Variants in ASIC2 observed in about 807,000 individuals in gnomAD.
The protein encoded by ASIC2 is acid-sensing ion channel 2.
Under a neutral mutation model 57.3 loss-of-function variants are expected in ASIC2, and 25 were observed. The observed-to-expected ratio is 0.44, with a 90% CI of 0.32 to 0.61. The LOEUF (loss-of-function observed/expected upper bound fraction) is 0.61, where lower values mean the gene tolerates loss of function less well. Among genes scored for constraint, ASIC2 ranks in the 20% least tolerant of loss-of-function variants. ASIC2 has a pLI of 0.06. For missense variants in ASIC2, 641 were observed against 738.1 expected (o/e 0.87, Z 1.52); for synonymous variants, 319 against 307.5 (o/e 1.04, Z -0.39).
intron 1 of ASIC2, among the ~76,000 whole-genome samples, chr17:33,642,398 G>C (rs999394647): frequency 1.3e-5 from 2 of 152,202 alleles, no homozygotes; most frequent in African/African-American, 4.8e-5. Flanking sequence ...TACCAGGCTA[G>C]GCAGCTCTGG....
chr17:33,174,688 G>T (rs1905671501), intron 1 of ASIC2, among the ~76,000 whole-genome samples: 2 of 152,260 alleles, frequency 1.3e-5, no homozygotes, highest in African/African-American at 4.8e-5. Context: ...TCTGCCCAAT[G>T]AAAGGAAGAG....
At chr17:33,290,499 T>C (rs1418798936) in intron 1 of ASIC2, among the ~76,000 whole-genome samples, 1 of 152,258 alleles carries the variant, frequency 6.6e-6, no homozygotes, top group Non-Finnish European at 1.5e-5. Flanking sequence ...ACAAGGCAGA[T>C]ACCTTCTGTC....
In ASIC2 at chr17:33,331,882, G is replaced by A. The variant is rs115455273; in HGVS notation, c.556-219815C>T. On this transcript the variant is annotated intron_variant, in intron 1 of 9. Coordinates refer to the ASIC2 transcript ENST00000359872. ...GCCAGGGTCCAAACTAGGCAACTGC[G>A]AATAGGACAAAACTTTCTTAACATT... Among the ~76,000 whole-genome samples, 1,092 of 152,342 alleles carry A rather than the reference G, an allele frequency of 7.2e-3. 12 individuals carry two copies. The highest frequency in any genetic ancestry group is 0.024 in the African/African-American group (1,002 of 41,578).
intron 1 of ASIC2, among the ~76,000 whole-genome samples, chr17:33,479,754 G>A (rs557555064): frequency 1.4e-4 from 21 of 152,244 alleles, no homozygotes; most frequent in Admixed American, 7.2e-4. Context: ...CCAGGCCTTC[G>A]CAAGGAGACA....
intron 1 of ASIC2, among the ~76,000 whole-genome samples, chr17:33,800,822 T>A (rs190755500): frequency 6.6e-6 from 1 of 152,318 alleles, no homozygotes; most frequent in African/African-American, 2.4e-5. Flanking sequence ...GCTATCAACT[T>A]TTCAAGGTGG....
At chr17:33,815,472 C>T (rs1315224759) in intron 1 of ASIC2, among the ~76,000 whole-genome samples, 1 of 152,208 alleles carries the variant, frequency 6.6e-6, no homozygotes, top group Admixed American at 6.5e-5. Context: ...TTTCTTAGCC[C>T]TCTTTTTGTT....
chr17:33,491,039 C>T (rs1465317539), intron 1 of ASIC2, among the ~76,000 whole-genome samples: 1 of 152,280 alleles, frequency 6.6e-6, no homozygotes, highest in East Asian at 1.9e-4. Context: ...TTGCCTTGAC[C>T]TGCCCTGCAT....
At chr17:33,620,773 C>T (rs1905767601) in intron 1 of ASIC2, among the ~76,000 whole-genome samples, 1 of 152,132 alleles carries the variant, frequency 6.6e-6, no homozygotes, top group Non-Finnish European at 1.5e-5. Flanking sequence ...CTCAGTAAAA[C>T]TAGGGGTAAT....
At chr17:33,381,221 CGT>C (rs1210493033) in intron 1 of ASIC2, among the ~76,000 whole-genome samples, 1 of 152,158 alleles carries the variant, frequency 6.6e-6, no homozygotes, top group Non-Finnish European at 1.5e-5. Context: ...CAAAGCTAGC[CGT>C]GTTATTTACT....
intron 1 of ASIC2, among the ~76,000 whole-genome samples, chr17:33,934,974 T>G (rs1916028946): frequency 6.6e-6 from 1 of 152,172 alleles, no homozygotes; most frequent in African/African-American, 2.4e-5. Context: ...GACATGCAAA[T>G]GACCATGGAT....
At chr17:33,785,467 C>T (rs1911575169) in intron 1 of ASIC2, among the ~76,000 whole-genome samples, 1 of 152,154 alleles carries the variant, frequency 6.6e-6, no homozygotes, top group Non-Finnish European at 1.5e-5. Context: ...AGAGAGGTTA[C>T]ATAATCTTCC....
intron 1 of ASIC2, among the ~76,000 whole-genome samples, chr17:33,998,589 G>C (rs1262014990): frequency 6.6e-6 from 1 of 152,006 alleles, no homozygotes; most frequent in African/African-American, 2.4e-5. Context: ...TTTTTCTCAA[G>C]ATATGTTTTG....
At chr17:33,762,151 T>C (rs1910803740) in intron 1 of ASIC2, among the ~76,000 whole-genome samples, 1 of 152,072 alleles carries the variant, frequency 6.6e-6, no homozygotes, top group African/African-American at 2.4e-5. Context: ...GTATGTAGGC[T>C]CCAGGCAGGC....
chr17:34,130,519 C>G (rs1487084097), intron 1 of ASIC2, among the ~76,000 whole-genome samples: 1 of 152,204 alleles, frequency 6.6e-6, no homozygotes, highest in East Asian at 1.9e-4. Context: ...TCTGGACACA[C>G]AGGGAAAGAG....
chr17:33,201,002 G>A (rs1474295808), intron 1 of ASIC2, among the ~76,000 whole-genome samples: 1 of 152,036 alleles, frequency 6.6e-6, no homozygotes, highest in African/African-American at 2.4e-5. Context: ...GAGTCACATG[G>A]CTAGCTTCCT....
intron 1 of ASIC2, among the ~76,000 whole-genome samples, chr17:33,457,549 A>T (rs1912491787): frequency 9.6e-6 from 1 of 103,874 alleles, no homozygotes; most frequent in Admixed American, 8.8e-5. Context: ...AAGGCCAGGC[A>T]TAAAAATGAA....
chr17:34,147,776 A>G (rs1002709401), intron 1 of ASIC2, among the ~76,000 whole-genome samples: 2 of 152,172 alleles, frequency 1.3e-5, no homozygotes, highest in Non-Finnish European at 2.9e-5. Context: ...TCCTACAAAA[A>G]AGAGAAAGCA....
chr17:34,138,016 G>C (rs1598044064), intron 1 of ASIC2, among the ~76,000 whole-genome samples: 1 of 152,316 alleles, frequency 6.6e-6, no homozygotes, highest in South Asian at 2.1e-4. Context: ...GTCAAAGCCA[G>C]TGAGCTGTTG....
At chr17:33,597,070 C>T (rs943238084) in intron 1 of ASIC2, among the ~76,000 whole-genome samples, 1 of 152,218 alleles carries the variant, frequency 6.6e-6, no homozygotes, top group Non-Finnish European at 1.5e-5. Context: ...CAGCCAAAGG[C>T]TTCATGACAG....
Sources: allele counts gnomAD v4.1 joint callset (sites outside exome capture counted in the v4.1 genomes callset), GRCh38; gene constraint gnomAD v4.1.1; transcripts MANE v1.5; gene names NCBI Gene and HGNC (gene_info 2026-07-23, HGNC 2026-07-21).